Variants in DKK2 observed in about 807,000 individuals in gnomAD.
The protein encoded by DKK2 is dickkopf Wnt signaling pathway inhibitor 2.
In DKK2, 11 loss-of-function variants were observed where a neutral mutation model predicts 28.1. That is an observed-to-expected ratio of 0.39 (90% CI 0.25 to 0.65). DKK2 has a LOEUF of 0.65. Among genes scored for constraint, DKK2 ranks in the 30% least tolerant of loss-of-function variants. The probability of loss-of-function intolerance (pLI) is 0.47; values close to 1 mark genes in which losing one functional copy is unlikely to be tolerated. For synonymous variants in DKK2, 135 were observed against 126.5 expected, an observed-to-expected ratio of 1.07 and a Z score of -0.45; for missense variants, 326 against 335.5, an observed-to-expected ratio of 0.97 and a Z score of 0.22.
At chr4:107,032,697 T>A (rs953244913) in intron 1 of DKK2, among the ~76,000 whole-genome samples, 1 of 152,150 alleles carries the variant, frequency 6.6e-6, no homozygotes, top group Admixed American at 6.5e-5. Context: ...GGAATATATT[T>A]CAACATCATC....
At chr4:107,016,476 A>G (rs1287509188) in intron 1 of DKK2, among the ~76,000 whole-genome samples, 1 of 151,898 alleles carries the variant, frequency 6.6e-6, no homozygotes. Context: ...GATATTTCTC[A>G]TGTTTGCATA....
chr4:106,941,853 T>C (rs1346569645), intron 1 of DKK2, among the ~76,000 whole-genome samples: 1 of 152,192 alleles, frequency 6.6e-6, no homozygotes, highest in East Asian at 1.9e-4. Flanking sequence ...CTTTTAAGTT[T>C]CTGATAATAG....
intron 1 of DKK2, among the ~76,000 whole-genome samples, chr4:106,926,906 T>G (rs1449524948): frequency 2.0e-5 from 3 of 152,176 alleles, no homozygotes; most frequent in Non-Finnish European, 2.9e-5. Context: ...ACATTAAAAA[T>G]GTCCCTGTGT....
Position 106,923,836 on chromosome 4 carries a change from C to T in DKK2, c.*118G>A, listed in dbSNP as rs1724383802. 3 of 1,370,380 alleles carry T rather than the reference C, an allele frequency of 2.2e-6. No homozygotes were observed. The highest frequency in any genetic ancestry group is 3.0e-6 in the Non-Finnish European group (3 of 1,001,246). 84.9% of individuals were successfully genotyped at this position (1,370,380 alleles called of 1,614,324 possible). On this transcript the variant is annotated 3_prime_UTR_variant, in exon 4 of 4. Coordinates refer to ENST00000285311, the MANE Select transcript of DKK2 (RefSeq NM_014421.3). ...CTCCCTTTTTGTGATCATCTATATT[C>T]TTATCACGTTTCTTATTTTAGCCAT...
At chr4:106,940,723 T>C (rs1446877064) in intron 1 of DKK2, among the ~76,000 whole-genome samples, 1 of 151,710 alleles carries the variant, frequency 6.6e-6, no homozygotes, top group African/African-American at 2.4e-5. Flanking sequence ...TGTCCAACAA[T>C]GATAGACTGG....
intron 1 of DKK2, among the ~76,000 whole-genome samples, chr4:106,991,217 A>AT (rs1723198542): frequency 6.6e-6 from 1 of 152,166 alleles, no homozygotes; most frequent in Admixed American, 6.5e-5. Flanking sequence ...GCTCCAGTTA[A>AT]TTTTTTTCAT....
At chr4:106,967,071 A>C (rs1722793495) in intron 1 of DKK2, among the ~76,000 whole-genome samples, 1 of 152,208 alleles carries the variant, frequency 6.6e-6, no homozygotes, top group Non-Finnish European at 1.5e-5. Context: ...CTAATAGGAT[A>C]TCAACAAAGT....
intron 1 of DKK2, among the ~76,000 whole-genome samples, chr4:106,938,725 A>C (rs1560575815): frequency 6.6e-6 from 1 of 152,122 alleles, no homozygotes; most frequent in Non-Finnish European, 1.5e-5. Context: ...AAATACTGGC[A>C]AAACGAATCC....
intron 1 of DKK2, among the ~76,000 whole-genome samples, chr4:106,965,007 T>TAGATAGATAGATA (rs35161719): frequency 1.7e-4 from 22 of 126,274 alleles, no homozygotes; most frequent in African/African-American, 6.0e-4. Flanking sequence ...ATAGATAGAT[T>TAGATAGATAGATA]GATTGATTCT....
At chr4:106,952,743 G>T (rs1480199117) in intron 1 of DKK2, among the ~76,000 whole-genome samples, 1 of 152,034 alleles carries the variant, frequency 6.6e-6, no homozygotes, top group African/African-American at 2.4e-5. Flanking sequence ...TAAAAAACTA[G>T]AAGTCATTGG....
At chr4:106,953,441 G>A (rs1722527510) in intron 1 of DKK2, among the ~76,000 whole-genome samples, 1 of 152,102 alleles carries the variant, frequency 6.6e-6, no homozygotes, top group Admixed American at 6.6e-5. Context: ...TACATAAAAA[G>A]AACAAAGTGC....
At chr4:106,994,056 G>T (rs1448965438) in intron 1 of DKK2, among the ~76,000 whole-genome samples, 3 of 152,196 alleles carry the variant, frequency 2.0e-5, no homozygotes, top group Non-Finnish European at 2.9e-5. Context: ...TTATCTAGCG[G>T]TTGAAGTAAT....
At chr4:106,925,973 A>G in intron 1 of DKK2, 24 bp from the exon 2 acceptor site, 1 of 1,584,068 alleles carries the variant, frequency 6.3e-7, no homozygotes, top group Non-Finnish European at 8.6e-7. Context: ...GAACAACACC[A>G]GAAGTAAAGG....
At chr4:106,936,001 C>G (rs1247122855) in intron 1 of DKK2, among the ~76,000 whole-genome samples, 1 of 151,974 alleles carries the variant, frequency 6.6e-6, no homozygotes, top group Non-Finnish European at 1.5e-5. Context: ...GTAGATAAAA[C>G]CACAAAGATG....
intron 1 of DKK2, among the ~76,000 whole-genome samples, chr4:106,978,184 T>TGGGAGGTATCTCCCCATC (rs565780761): frequency 3.5e-4 from 53 of 152,282 alleles, no homozygotes; most frequent in African/African-American, 1.2e-3. Context: ...CGACCCCTGC[T>TGGGAGGTATCTCCCCATC]GGGAGGTATC....
intron 1 of DKK2, among the ~76,000 whole-genome samples, chr4:107,034,702 T>C (rs1252954642): frequency 1.3e-5 from 2 of 152,186 alleles, no homozygotes; most frequent in Non-Finnish European, 2.9e-5. Context: ...GCGCGTCTAC[T>C]GGAGTTGTTT....
chr4:106,995,925 C>T (rs1040148145), intron 1 of DKK2, among the ~76,000 whole-genome samples: 1 of 152,134 alleles, frequency 6.6e-6, no homozygotes, highest in Non-Finnish European at 1.5e-5. Flanking sequence ...CTCTATGTAT[C>T]TTTAACAAAC....
At chr4:106,978,615 C>T (rs1168156477) in intron 1 of DKK2, among the ~76,000 whole-genome samples, 4 of 152,036 alleles carry the variant, frequency 2.6e-5, no homozygotes, top group Non-Finnish European at 4.4e-5. Context: ...CATACCAGGT[C>T]GACTTCAGAC....
intron 1 of DKK2, among the ~76,000 whole-genome samples, chr4:106,956,247 T>C (rs1425421182): frequency 6.6e-6 from 1 of 151,960 alleles, no homozygotes; most frequent in Non-Finnish European, 1.5e-5. Flanking sequence ...CTCAATGAAA[T>C]AAAAGGATAC....
Sources: gnomAD v4.1 joint callset for allele counts (sites outside exome capture counted in the v4.1 genomes callset) on GRCh38, gnomAD v4.1.1 for gene constraint, MANE v1.5 for transcripts, NCBI Gene and HGNC (gene_info 2026-07-23, HGNC 2026-07-21) for gene names.